The following KCNJ6 variants were observed in gnomAD, a reference collection of about 807,000 sequenced individuals.
KCNJ6 encodes G protein-activated inward rectifier potassium channel 2.
Under a neutral mutation model 34.2 loss-of-function variants are expected in KCNJ6, and 9 were observed. The ratio of observed to expected loss-of-function variants is 0.26; its 90% confidence interval spans 0.16 to 0.46. The LOEUF is 0.46. Among genes scored for constraint, KCNJ6 ranks in the 20% least tolerant of loss-of-function variants. The pLI is 1.00. For missense variants in KCNJ6, 236 were observed against 531.3 expected, an observed-to-expected ratio of 0.44 and a Z score of 5.46; for synonymous variants, 196 against 207.1, an observed-to-expected ratio of 0.95 and a Z score of 0.46.
intron 2 of KCNJ6, among the ~76,000 whole-genome samples, chr21:37,753,507 G>C (rs1464360249): frequency 6.7e-6 from 1 of 149,746 alleles, no homozygotes; most frequent in Non-Finnish European, 1.5e-5. Context: ...GAAACGGAGA[G>C]CTGAATCTAG....
intron 1 of KCNJ6, among the ~76,000 whole-genome samples, chr21:37,914,254 C>T (rs2055882668): frequency 6.6e-6 from 1 of 152,134 alleles, no homozygotes; most frequent in Non-Finnish European, 1.5e-5. Flanking sequence ...CTGCACGAGC[C>T]AAAGACTCAT....
intron 2 of KCNJ6, among the ~76,000 whole-genome samples, chr21:37,766,354 T>A (rs1417914686): frequency 1.3e-5 from 2 of 152,162 alleles, no homozygotes; most frequent in African/African-American, 2.4e-5. Context: ...ACAGGTGGGT[T>A]GTCACTAGGC....
intron 2 of KCNJ6, among the ~76,000 whole-genome samples, chr21:37,754,908 G>A (rs1341635441): frequency 1.3e-5 from 2 of 152,190 alleles, no homozygotes; most frequent in African/African-American, 2.4e-5. Flanking sequence ...AGGCTAAGCC[G>A]CAGTGCAGCT....
chr21:37,834,436 G>A (rs1429680425), intron 2 of KCNJ6, among the ~76,000 whole-genome samples: 1 of 152,316 alleles, frequency 6.6e-6, no homozygotes, highest in African/African-American at 2.4e-5. Flanking sequence ...CTCGTGGCCT[G>A]CACCTGCAAG....
At chr21:37,649,387 A>C (rs2054421714) in intron 3 of KCNJ6, among the ~76,000 whole-genome samples, 1 of 152,210 alleles carries the variant, frequency 6.6e-6, no homozygotes, top group Non-Finnish European at 1.5e-5. Flanking sequence ...CTCAGAACAC[A>C]TTATAATTGT....
chr21:37,881,734 A>G (rs530853105), intron 1 of KCNJ6, among the ~76,000 whole-genome samples: 3 of 152,036 alleles, frequency 2.0e-5, no homozygotes, highest in Admixed American at 6.6e-5. Context: ...CCCCACCTTC[A>G]TTACCTTATC....
chr21:37,799,258 T>C (rs942945330), intron 2 of KCNJ6, among the ~76,000 whole-genome samples: 3 of 152,166 alleles, frequency 2.0e-5, no homozygotes, highest in Admixed American at 2.0e-4. Flanking sequence ...GATCTTGTTC[T>C]CAATAAGGAT....
chr21:37,840,030 C>T (rs1182607935), intron 2 of KCNJ6, among the ~76,000 whole-genome samples: 1 of 152,162 alleles, frequency 6.6e-6, no homozygotes, highest in Non-Finnish European at 1.5e-5. Flanking sequence ...AACTCCTGAC[C>T]TCAAGTGATC....
At chr21:37,800,111 T>C (rs754309478) in intron 2 of KCNJ6, among the ~76,000 whole-genome samples, 9 of 152,074 alleles carry the variant, frequency 5.9e-5, no homozygotes, top group Non-Finnish European at 1.0e-4. Context: ...CTGGAAGAAG[T>C]TGGAAATGGA....
intron 2 of KCNJ6, among the ~76,000 whole-genome samples, chr21:37,762,242 C>T (rs76041977): frequency 0.013 from 2,024 of 152,300 alleles, 23 homozygotes; most frequent in Non-Finnish European, 0.021. Flanking sequence ...TTGGGTGTCC[C>T]CGCACTTAGC....
At chr21:37,647,040 T>C (rs1189372735) in intron 3 of KCNJ6, among the ~76,000 whole-genome samples, 3 of 152,080 alleles carry the variant, frequency 2.0e-5, no homozygotes, top group African/African-American at 7.2e-5. Context: ...TGTGTAGGGA[T>C]CAGAGCGACG....
intron 2 of KCNJ6, among the ~76,000 whole-genome samples, chr21:37,823,247 G>A (rs2055382933): frequency 6.6e-6 from 1 of 152,142 alleles, no homozygotes; most frequent in Non-Finnish European, 1.5e-5. Context: ...GAAAAATGCT[G>A]CAATAAACAT....
Position 37,623,889 on chromosome 21 carries a change from C to G in KCNJ6, c.*1270G>C, listed in dbSNP as rs1395379206. ...CAGGCGAGATGTCATTCTCAGAAAGCCAGATAGAGTCAAAGTGAGAGGTCG... is the reference window on the plus strand; with the variant it reads ...CAGGCGAGATGTCATTCTCAGAAAGGCAGATAGAGTCAAAGTGAGAGGTCG... On this transcript the variant is annotated 3_prime_UTR_variant, in exon 4 of 4. Coordinates refer to ENST00000609713, the MANE Select transcript of KCNJ6 (RefSeq NM_002240.5). The G allele has an allele frequency of 1.3e-5, 2 of 152,144 alleles. No individual in the cohort carries two copies. Among genetic ancestry groups the G allele is most frequent in the Non-Finnish European group, 2.9e-5 (2 of 68,036 alleles). 9.4% of individuals were successfully genotyped at this position (152,144 alleles called of 1,614,324 possible).
At chr21:37,655,177 AT>A (rs59656215) in intron 3 of KCNJ6, among the ~76,000 whole-genome samples, 8,741 of 96,760 alleles carry the variant, frequency 0.09, 339 homozygotes, top group South Asian at 0.22. Context: ...CACTCTAGAC[AT>A]TTGTGTGTGT....
chr21:37,910,874 G>C (rs1189954913), intron 1 of KCNJ6, among the ~76,000 whole-genome samples: 1 of 152,196 alleles, frequency 6.6e-6, no homozygotes, highest in African/African-American at 2.4e-5. Context: ...TATAAAATCA[G>C]ATCTGAATGA....
intron 2 of KCNJ6, among the ~76,000 whole-genome samples, chr21:37,838,858 G>C (rs2123576296): frequency 6.6e-6 from 1 of 152,266 alleles, no homozygotes; most frequent in African/African-American, 2.4e-5. Context: ...TTGATCACGG[G>C]GGCGGATTTC....
chr21:37,636,531 A>G (rs1302443915), intron 3 of KCNJ6, among the ~76,000 whole-genome samples: 1 of 152,218 alleles, frequency 6.6e-6, no homozygotes, highest in Non-Finnish European at 1.5e-5. Flanking sequence ...GCATGCAAAC[A>G]ACCTGTCTTT....
At chr21:37,627,097 G>A (rs550194874) in intron 3 of KCNJ6, among the ~76,000 whole-genome samples, 1 of 152,226 alleles carries the variant, frequency 6.6e-6, no homozygotes, top group Non-Finnish European at 1.5e-5. Context: ...TACACAGAAG[G>A]ATCCAGAGCT....
At chr21:37,847,559 T>C (rs2055515646) in intron 1 of KCNJ6, among the ~76,000 whole-genome samples, 1 of 152,214 alleles carries the variant, frequency 6.6e-6, no homozygotes, top group Admixed American at 6.5e-5. Context: ...AGATGGACAC[T>C]GGATAGAAGA....
Sources: gnomAD v4.1 joint callset for allele counts (sites outside exome capture counted in the v4.1 genomes callset) on GRCh38, gnomAD v4.1.1 for gene constraint, MANE v1.5 for transcripts, NCBI Gene and HGNC (gene_info 2026-07-23, HGNC 2026-07-21) for gene names.